HSDL2: variants seen among roughly 807,000 people sequenced by gnomAD.
HSDL2 encodes hydroxysteroid dehydrogenase like 2.
A neutral mutation model predicts 46.3 loss-of-function variants in HSDL2; 27 were observed. The ratio of observed to expected loss-of-function variants is 0.58; its 90% CI spans 0.43 to 0.80. The LOEUF (loss-of-function observed/expected upper bound fraction) is 0.80. Ranked by LOEUF, HSDL2 falls within the 30% of genes least tolerant of loss-of-function variation. HSDL2 has a pLI of 0.00. For synonymous variants in HSDL2, 153 were observed against 163.6 expected (o/e 0.94, Z 0.50); for missense variants, 451 against 502.7 (o/e 0.90, Z 0.98).
At chr9:112,452,178 C>A (rs1274023257) in intron 8 of HSDL2, among the ~76,000 whole-genome samples, 1 of 152,096 alleles carries the variant, frequency 6.6e-6, no homozygotes, top group Non-Finnish European at 1.5e-5. Flanking sequence ...GTGGAAACAT[C>A]ATAATGAAAG....
intron 1 of HSDL2, among the ~76,000 whole-genome samples, chr9:112,381,001 T>G (rs1278449048): frequency 6.6e-6 from 1 of 152,036 alleles, no homozygotes; most frequent in African/African-American, 2.4e-5. Flanking sequence ...GGGTAAAAAG[T>G]GAGTCTCCCC....
At chr9:112,438,152 C>G (rs912363083) in intron 6 of HSDL2, among the ~76,000 whole-genome samples, 12 of 152,142 alleles carry the variant, frequency 7.9e-5, no homozygotes, top group Admixed American at 4.6e-4. Context: ...TGGGTTCAAT[C>G]ACTTGAACCC....
At chr9:112,386,652 T>TG (rs1470086068) in intron 1 of HSDL2, among the ~76,000 whole-genome samples, 1 of 150,930 alleles carries the variant, frequency 6.6e-6, no homozygotes, top group Non-Finnish European at 1.5e-5. Context: ...AGCGTGGTGA[T>TG]GCACACCCGT....
intron 1 of HSDL2, among the ~76,000 whole-genome samples, chr9:112,388,460 CA>C (rs35133211): frequency 0.4 from 42,435 of 107,100 alleles, 7,449 homozygotes; most frequent in South Asian, 0.45. Context: ...GACTCCATCT[CA>C]AAAAAAAAAA....
chr9:112,400,708 G>C (rs1831570519), intron 1 of HSDL2, among the ~76,000 whole-genome samples: 1 of 152,244 alleles, frequency 6.6e-6, no homozygotes, highest in South Asian at 2.1e-4. Flanking sequence ...TGTCAGCAGG[G>C]CTGTGCTGTT....
intron 8 of HSDL2, among the ~76,000 whole-genome samples, chr9:112,451,695 A>AT (rs1832888395): frequency 2.0e-5 from 3 of 150,432 alleles, no homozygotes; most frequent in Admixed American, 6.6e-5. Flanking sequence ...GCTTGGTGTC[A>AT]TGGTAATACT....
intron 1 of HSDL2, among the ~76,000 whole-genome samples, chr9:112,403,116 T>C (rs1055040243): frequency 6.6e-6 from 1 of 152,238 alleles, no homozygotes; most frequent in African/African-American, 2.4e-5. Context: ...TACCCCACTA[T>C]GCAGTCATTT....
In HSDL2 at chr9:112,453,988, C is replaced by A; in HGVS notation, c.866-25C>A. 3.7e-6 allele frequency: 6 copies of A among 1,606,070 alleles called. No homozygotes were observed. The South Asian group carries it at 6.7e-5, about 18-fold the overall frequency. On this transcript the variant is annotated intron_variant, in intron 8 of 10. Transcript: ENST00000398805. ...GTCCTTCACTGCCAAGCATTAAGGT[C>A]ATTTGCTTCAATAATATCTTATAGG...
At chr9:112,381,599 C>T (rs1831097386) in intron 1 of HSDL2, among the ~76,000 whole-genome samples, 1 of 152,196 alleles carries the variant, frequency 6.6e-6, no homozygotes, top group Admixed American at 6.5e-5. Flanking sequence ...CGTGATCCGT[C>T]TGCCTCGGCC....
At chr9:112,428,067 T>A (rs1042011258) in intron 6 of HSDL2, among the ~76,000 whole-genome samples, 1 of 152,222 alleles carries the variant, frequency 6.6e-6, no homozygotes, top group Non-Finnish European at 1.5e-5. Context: ...TGCTATGTAC[T>A]GGATAAAGGG....
chr9:112,398,312 A>G (rs1348732002), intron 1 of HSDL2, among the ~76,000 whole-genome samples: 1 of 151,994 alleles, frequency 6.6e-6, no homozygotes, highest in East Asian at 1.9e-4. Flanking sequence ...GGCCTGCAGA[A>G]TTACAGGTAA....
chr9:112,402,892 T>C (rs1831639886), intron 1 of HSDL2, among the ~76,000 whole-genome samples: 1 of 150,796 alleles, frequency 6.6e-6, no homozygotes, highest in Non-Finnish European at 1.5e-5. Context: ...TTGAGTGAGC[T>C]GAGATTGCAC....
chr9:112,402,969 A>T (rs533412885), intron 1 of HSDL2, among the ~76,000 whole-genome samples: 1 of 151,998 alleles, frequency 6.6e-6, no homozygotes, highest in Admixed American at 6.6e-5. Flanking sequence ...ACACACACAC[A>T]CACAAAACAC....
intron 1 of HSDL2, among the ~76,000 whole-genome samples, chr9:112,383,006 TTCTG>T (rs1831132738): frequency 6.6e-6 from 1 of 151,908 alleles, no homozygotes; most frequent in Non-Finnish European, 1.5e-5. Context: ...AGATCTTTCT[TTCTG>T]TCTTTCTTTT....
intron 5 of HSDL2, among the ~76,000 whole-genome samples, chr9:112,417,957 A>C (rs796665207): frequency 9.2e-5 from 14 of 152,262 alleles, no homozygotes; most frequent in African/African-American, 3.1e-4. Flanking sequence ...GCACACCTGT[A>C]ATCCCAGCTA....
In HSDL2 at chr9:112,388,585, G is replaced by A. The variant is rs1277769075; in HGVS notation, c.17+8405G>A. ...AAGACCATGGTGAAACCCTGTCACT[G>A]CTAAAAATACAAAAAAAAATTAGCC... On this transcript the variant is annotated intron_variant, in intron 1 of 10. Transcript: ENST00000398805. 2.0e-5 allele frequency among the ~76,000 whole-genome samples: 3 copies of A among 149,124 alleles called. No individual in the cohort carries two copies. The Admixed American group carries it at 2.0e-4, about 10-fold the overall frequency.
At chr9:112,383,288 G>T (rs1831140390) in intron 1 of HSDL2, among the ~76,000 whole-genome samples, 1 of 152,068 alleles carries the variant, frequency 6.6e-6, no homozygotes, top group African/African-American at 2.4e-5. Context: ...GGCCAGGCTG[G>T]TCTCAAACTC....
intron 6 of HSDL2, among the ~76,000 whole-genome samples, chr9:112,437,374 G>A (rs775957599): frequency 3.3e-5 from 5 of 152,128 alleles, no homozygotes; most frequent in Admixed American, 6.5e-5. Context: ...CTAGGTGAAA[G>A]AGTTTATACT....
At chr9:112,399,096 G>A (rs1249122807) in intron 1 of HSDL2, among the ~76,000 whole-genome samples, 1 of 152,094 alleles carries the variant, frequency 6.6e-6, no homozygotes, top group African/African-American at 2.4e-5. Flanking sequence ...CAGATATTGG[G>A]GGAACCTACC....
Sources: allele counts gnomAD v4.1 joint callset (sites outside exome capture counted in the v4.1 genomes callset), GRCh38; gene constraint gnomAD v4.1.1; transcripts MANE v1.5; gene names NCBI Gene and HGNC (gene_info 2026-07-23, HGNC 2026-07-21).